The following CIB1 variants were observed in gnomAD, a reference collection of about 807,000 sequenced individuals.
CIB1 encodes the protein calcium and integrin binding 1, also known as calcium and integrin-binding protein 1.
Under a neutral mutation model 25.0 loss-of-function variants are expected in CIB1, and 19 were observed. The observed-to-expected ratio is 0.76, with a 90% CI of 0.53 to 1.12. The LOEUF (loss-of-function observed/expected upper bound fraction) is 1.12, where lower values mean the gene tolerates loss of function less well. Ranked by LOEUF, CIB1 falls within the 50% of genes most tolerant of loss-of-function variation. The pLI, the probability that CIB1 is intolerant of heterozygous loss-of-function variation, is 0.00. For synonymous variants in CIB1, 104 were observed against 98.5 expected, an observed-to-expected ratio of 1.06 and a Z score of -0.33; for missense variants, 236 against 242.6, an observed-to-expected ratio of 0.97 and a Z score of 0.18.
At chr15:90,264,911 TCTGCACCCATG>T in the CIB1 span, 1 of 1,536,126 alleles carries the variant, frequency 6.5e-7, no homozygotes, top group Non-Finnish European at 8.7e-7. Flanking sequence ...CTGCCCTGCG[TCTGCACCCATG>T]CTGCAGCGTT....
At chr15:90,265,208 T>A in the CIB1 span, 1 of 1,357,822 alleles carries the variant, frequency 7.4e-7, no homozygotes, top group South Asian at 1.6e-5. Context: ...TACTCATTTC[T>A]GCTCATCAAG....
At chr15:90,253,313 C>T in the CIB1 span, 1 of 1,613,702 alleles carries the variant, frequency 6.2e-7, no homozygotes, top group South Asian at 1.1e-5. Flanking sequence ...GGACTCTGTA[C>T]TGGACAGACT....
chr15:90,237,819 G>A (rs1962668047), upstream of CIB1, among the ~76,000 whole-genome samples: 1 of 152,030 alleles, frequency 6.6e-6, no homozygotes, highest in East Asian at 1.9e-4. Context: ...CAGGCCTGGT[G>A]CAAGTGCCTG....
the CIB1 span, chr15:90,244,450 G>C: frequency 6.6e-6 from 1 of 152,188 alleles, no homozygotes; most frequent in South Asian, 2.1e-4. Flanking sequence ...CTAGTCAGTA[G>C]ACACTATTCT....
chr15:90,253,427 C>A, the CIB1 span: 3 of 1,306,538 alleles, frequency 2.3e-6, no homozygotes, highest in East Asian at 7.2e-5. Flanking sequence ...ACTATTCCCA[C>A]CTCCTTGCCC....
chr15:90,257,288 G>T, the CIB1 span: 1 of 1,606,918 alleles, frequency 6.2e-7, no homozygotes, highest in Non-Finnish European at 8.5e-7. Flanking sequence ...CCTGGTAAGG[G>T]GACTGGGAAG....
At chr15:90,230,654 A>G in intron 6 of CIB1, 149 bp from the exon 7 acceptor site, 1 of 840,856 alleles carries the variant, frequency 1.2e-6, no homozygotes, top group Non-Finnish European at 1.9e-6. Context: ...CGAGACATCC[A>G]GAGGGAGCTT....
chr15:90,259,143 G>T, the CIB1 span: 1 of 1,119,538 alleles, frequency 8.9e-7, no homozygotes. Context: ...CAGGAGGATT[G>T]CTTGAGCCCT....
chr15:90,239,290 T>C, the CIB1 span, among the ~76,000 whole-genome samples: 1 of 145,558 alleles, frequency 6.9e-6, no homozygotes, highest in African/African-American at 2.6e-5. Context: ...ATAGTTGATC[T>C]ATATGAGACA....
upstream of CIB1, among the ~76,000 whole-genome samples, chr15:90,239,012 G>T (rs2151639318): frequency 6.6e-6 from 1 of 152,210 alleles, no homozygotes; most frequent in South Asian, 2.1e-4. Context: ...TATTTTAAAG[G>T]AAAATAAAAA....
chr15:90,241,912 T>C, the CIB1 span: 1 of 1,614,140 alleles, frequency 6.2e-7, no homozygotes, highest in South Asian at 1.1e-5. Flanking sequence ...CTCTGTGAGC[T>C]GGCTGGGCAC....
the CIB1 span, chr15:90,250,508 T>TTTC: frequency 7.8e-7 from 1 of 1,277,494 alleles, no homozygotes; most frequent in Non-Finnish European, 1.1e-6. Context: ...GGGCAGCAAC[T>TTTC]TTCCCTTATA....
upstream of CIB1, among the ~76,000 whole-genome samples, chr15:90,235,557 C>T (rs1299316890): frequency 1.3e-5 from 2 of 151,922 alleles, no homozygotes; most frequent in African/African-American, 4.8e-5. Context: ...TAGGCCCATC[C>T]CAACCTGATC....
chr15:90,247,679 G>A, the CIB1 span, among the ~76,000 whole-genome samples: 7 of 151,406 alleles, frequency 4.6e-5, no homozygotes, highest in East Asian at 3.9e-4. Context: ...TGGCTGAACC[G>A]GGAAAGAAGG....
At chr15:90,262,156 G>A in the CIB1 span, 12 of 1,535,520 alleles carry the variant, frequency 7.8e-6, no homozygotes, top group Non-Finnish European at 9.6e-6. Flanking sequence ...TCTTCCAAGA[G>A]ACTGCTGCTT....
At chr15:90,257,266 C>T in the CIB1 span, 1 of 1,612,208 alleles carries the variant, frequency 6.2e-7, no homozygotes, top group South Asian at 1.1e-5. Context: ...ATATGGAGCC[C>T]AGCCATAACA....
intron 2 of CIB1, 116 bp from the exon 3 acceptor site, chr15:90,232,443 C>G (rs779349877): frequency 7.0e-7 from 1 of 1,433,220 alleles, no homozygotes; most frequent in Non-Finnish European, 9.2e-7. Flanking sequence ...ACCACGTACA[C>G]AGAACTTCCG....
chr15:90,231,207 T>A lies in CIB1; in HGVS notation c.353A>T (p.Asp118Val). The A allele has an allele frequency of 6.4e-7, 1 of 1,574,452 alleles. No individual in the cohort carries two copies. Among genetic ancestry groups the A allele is most frequent in the Non-Finnish European group, 8.6e-7 (1 of 1,164,128 alleles). ...TTCTCTGTTCAAGGTTCCGTCATCA[T>A]CAAAGTCTAGAGAGCAGACACAGGA... ...SHYAFRIFDF[D>V]DDGTLNREDL... Residue 118 changes from aspartate to valine, a missense_variant, in exon 5 of 7, where the codon GAT (aspartate) becomes GTT (valine). By Grantham distance (152) the Asp-to-Val change is radical. Coordinates refer to ENST00000328649, the MANE Select transcript of CIB1 (RefSeq NM_006384.4).
At chr15:90,238,805 C>CACTGAA (rs1190340199), upstream of CIB1, among the ~76,000 whole-genome samples, 2 of 152,176 alleles carry the variant, frequency 1.3e-5, no homozygotes, top group Non-Finnish European at 2.9e-5. Context: ...AAACCCTGAG[C>CACTGAA]ACTCTCATGC....
Sources: gnomAD v4.1 joint callset for allele counts (sites outside exome capture counted in the v4.1 genomes callset) on GRCh38, gnomAD v4.1.1 for gene constraint, MANE v1.5 for transcripts, NCBI Gene and HGNC (gene_info 2026-07-23, HGNC 2026-07-21) for gene names.